The following AXL variants were observed in gnomAD, a reference collection of about 807,000 sequenced individuals.
The protein encoded by AXL is AXL receptor tyrosine kinase, also known as tyrosine-protein kinase receptor UFO.
A neutral mutation model predicts 104.5 loss-of-function variants in AXL; 52 were observed. The ratio of observed to expected loss-of-function variants is 0.50; its 90% confidence interval spans 0.40 to 0.63. The LOEUF is 0.63. Ranked by LOEUF, AXL falls within the 20% of genes least tolerant of loss-of-function variation. The probability of loss-of-function intolerance (pLI) is 0.00; values close to 1 mark genes in which losing one functional copy is unlikely to be tolerated. For synonymous variants in AXL, 455 were observed against 473.7 expected (o/e 0.96, Z 0.51); for missense variants, 1,024 against 1,188.5 (o/e 0.86, Z 2.04).
At position 41,221,966 on chromosome 19, in the gene AXL, C is replaced by G; in HGVS notation, c.496C>G (p.Pro166Ala). The change falls in exon 4 of 20, where the codon CCA becomes GCA. Residue 166 changes from proline (P) to alanine (A), a missense_variant. Pro to Ala is a conservative substitution (Grantham distance 27). Transcript: ENST00000301178. The stretch of plus-strand genomic sequence containing the variant: ...CCTGAGCTGCCAAGCTCAGGGACCC[C>G]CAGAGCCCGTGGACCTACTCTGGCT... The part of the protein sequence containing the change: ...FNLSCQAQGP[P>A]EPVDLLWLQD... The G allele has an allele frequency of 1.9e-6, 3 of 1,612,572 alleles. No individual in the cohort carries two copies. The highest frequency in any genetic ancestry group is 2.5e-6 in the Non-Finnish European group (3 of 1,179,454).
Position 41,219,339 on chromosome 19 carries a change from C to A in AXL, c.-54C>A. On this transcript the variant is annotated 5_prime_UTR_variant, in exon 1 of 20. Coordinates refer to ENST00000301178, the MANE Select transcript of AXL (RefSeq NM_021913.5). Reference sequence around the variant, plus strand: ...GGGGGAGGGCCGGGGACAGCCCGGCCCTGCCCCCTCCCCCGCTGGGAGCCC... The same window carrying A: ...GGGGGAGGGCCGGGGACAGCCCGGCACTGCCCCCTCCCCCGCTGGGAGCCC... 2 of 1,526,824 alleles carry A rather than the reference C, an allele frequency of 1.3e-6. No individual in the cohort carries two copies. Among genetic ancestry groups the A allele is most frequent in the Non-Finnish European group, 1.8e-6 (2 of 1,127,812 alleles). The allele number at this position is 1,526,824 out of a possible 1,614,324, so 94.6% of individuals were successfully genotyped here. A position where few individuals can be genotyped will look rare whatever the true frequency, so the allele number is the denominator to read the frequency against.
chr19:41,246,832 ACTG>A (rs1220491756), intron 12 of AXL, among the ~76,000 whole-genome samples: 2 of 151,986 alleles, frequency 1.3e-5, no homozygotes, highest in African/African-American at 2.4e-5. Flanking sequence ...TGGGTGAACC[ACTG>A]TGAACCACTG....
chr19:41,243,784 C>A, intron 12 of AXL, 77 bp downstream of exon 12: 2 of 1,286,202 alleles, frequency 1.6e-6, no homozygotes, highest in Non-Finnish European at 2.3e-6. Context: ...GGCTTCTGTA[C>A]ATGTGTGAGC....
chr19:41,222,359 T>C (rs1163818769), intron 4 of AXL, among the ~76,000 whole-genome samples: 1 of 152,202 alleles, frequency 6.6e-6, no homozygotes, highest in Non-Finnish European at 1.5e-5. Context: ...CCGGCCTCTC[T>C]CTGAATAGAA....
chr19:41,261,434 A>G lies in AXL; in HGVS notation c.*1530A>G, dbSNP rs2034541260. The G allele has an allele frequency of 6.6e-6, 1 of 152,476 alleles. No homozygotes were observed. The highest frequency in any genetic ancestry group is 2.4e-5 in the African/African-American group (1 of 41,448). The allele number at this position is 152,476 out of a possible 1,614,324, so 9.4% of individuals were successfully genotyped here. On this transcript the variant is annotated 3_prime_UTR_variant, in exon 20 of 20. Coordinates refer to ENST00000301178, the MANE Select transcript of AXL (RefSeq NM_021913.5). ...TAGTTCTAGGCACTGTAGTTCTAAGACTCAAATGTTCTAAGTTTCTAAGAT... is the reference window on the plus strand; with the variant it reads ...TAGTTCTAGGCACTGTAGTTCTAAGGCTCAAATGTTCTAAGTTTCTAAGAT...
intron 17 of AXL, 144 bp downstream of exon 17, chr19:41,253,852 GT>G (rs1261063424): frequency 1.5e-6 from 1 of 663,122 alleles, no homozygotes; most frequent in East Asian, 2.7e-5. Context: ...CAGTAAGGGG[GT>G]CTGGGAAGGC....
chr19:41,223,663 TG>T (rs2033831041), intron 4 of AXL, among the ~76,000 whole-genome samples: 1 of 152,030 alleles, frequency 6.6e-6, no homozygotes, highest in African/African-American at 2.4e-5. Flanking sequence ...GACCCTGAGT[TG>T]CAAGGAAGAC....
At chr19:41,253,921 G>A (rs1386539960) in intron 17 of AXL, among the ~76,000 whole-genome samples, 2 of 152,018 alleles carry the variant, frequency 1.3e-5, no homozygotes, top group Non-Finnish European at 2.9e-5. Context: ...GATGCGGAGA[G>A]GGAAGAGACC....
At chr19:41,254,602 A>G (rs1225466056) in intron 17 of AXL, among the ~76,000 whole-genome samples, 1 of 151,920 alleles carries the variant, frequency 6.6e-6, no homozygotes, top group Admixed American at 6.6e-5. Context: ...TAGAAGGTGG[A>G]GGGAATGGAA....
intron 4 of AXL, among the ~76,000 whole-genome samples, chr19:41,224,392 A>T (rs2033843542): frequency 6.6e-6 from 1 of 151,836 alleles, no homozygotes; most frequent in Non-Finnish European, 1.5e-5. Context: ...TTTTTTTTCA[A>T]GATAAGCTCC....
Position 41,260,914 on chromosome 19 carries a change from C to T in AXL, c.*1010C>T, listed in dbSNP as rs2034530747. On this transcript the variant is annotated 3_prime_UTR_variant, in exon 20 of 20. Coordinates refer to ENST00000301178, the MANE Select transcript of AXL (RefSeq NM_021913.5). ...GGCTGTAAGGCTCTAGATCATAAGG[C>T]TTCAAAATGTTATCTTCTCAAGTTC... 6.6e-6 allele frequency: 1 copy of T among 152,082 alleles called. No homozygotes were observed. The allele number at this position is 152,082 out of a possible 1,614,324, so 9.4% of individuals were successfully genotyped here. A position where few individuals can be genotyped will look rare whatever the true frequency, so the allele number is the denominator to read the frequency against.
At chr19:41,249,381 T>C (rs1303686761) in intron 14 of AXL, among the ~76,000 whole-genome samples, 1 of 152,004 alleles carries the variant, frequency 6.6e-6, no homozygotes, top group Non-Finnish European at 1.5e-5. Flanking sequence ...CTTGAGTCTG[T>C]GCGGCAGAGG....
rs565759778 is a variant in AXL, at chr19:41,260,167, T to C, written c.*263T>C. ...CTCCCAGGTGTTAACATTCCAAGACTCTAGAGTCCAAGGTTTAAAGAGTCT... is the reference window on the plus strand; with the variant it reads ...CTCCCAGGTGTTAACATTCCAAGACCCTAGAGTCCAAGGTTTAAAGAGTCT... On this transcript the variant is annotated 3_prime_UTR_variant, in exon 20 of 20. Transcript: ENST00000301178. 246 of 439,626 alleles carry C rather than the reference T, an allele frequency of 5.6e-4. No individual in the cohort carries two copies. The highest frequency in any genetic ancestry group is 4.5e-3 in the African/African-American group (224 of 50,100). The allele number at this position is 439,626 out of a possible 1,614,324, so 27.2% of individuals were successfully genotyped here. A position where few individuals can be genotyped will look rare whatever the true frequency, so the allele number is the denominator to read the frequency against.
intron 8 of AXL, 106 bp downstream of exon 8, chr19:41,238,715 T>C (rs990792030): frequency 7.0e-6 from 10 of 1,425,010 alleles, no homozygotes; most frequent in Middle Eastern, 1.9e-4. Context: ...ACACAATTGC[T>C]CTATGCCTAG....
At chr19:41,220,992 C>T (rs899155324) in intron 2 of AXL, 134 bp downstream of exon 2, 2 of 1,230,444 alleles carry the variant, frequency 1.6e-6, no homozygotes, top group African/African-American at 1.5e-5. Flanking sequence ...CTCTAGGTTT[C>T]GTTTTCCTCT....
intron 4 of AXL, chr19:41,226,764 G>A (rs1199227543): frequency 5.1e-6 from 5 of 985,690 alleles, no homozygotes; most frequent in African/African-American, 1.7e-5. Context: ...AAGCACACGC[G>A]TAAACAACAC....
rs869213717 is a variant in AXL, at chr19:41,260,298, CTTTTTTTTTTTTTTTT to C, written c.*410_*425del. On this transcript the variant is annotated 3_prime_UTR_variant, in exon 20 of 20. Transcript: ENST00000301178. ...TAAAGTGCTAAGGTTCTAAGGCCTA[CTTTTTTTTTTTTTTTT>C]TTTTTTTTTTTTTTTGCGATAGAGT... 1.9e-4 allele frequency: 9 copies of C among 48,624 alleles called. No individual in the cohort carries two copies. Among genetic ancestry groups the C allele is most frequent in the Middle Eastern group, 0.019 (1 of 54 alleles). 3.0% of individuals were successfully genotyped at this position (48,624 alleles called of 1,614,324 possible). A position where few individuals can be genotyped will look rare whatever the true frequency, so the allele number is the denominator to read the frequency against.
rs750430981 is a variant in AXL, at chr19:41,252,484, G to T, written c.1804+41G>T. On this transcript the variant is annotated intron_variant, in intron 15 of 19. Coordinates refer to ENST00000301178, the MANE Select transcript of AXL (RefSeq NM_021913.5). ...ATTCAAGGGGTCTACAAGCCCCATG[G>T]GGGCCATAGCAGAGGGAAGAGCCCT... 13 of 1,597,652 alleles carry T rather than the reference G, an allele frequency of 8.1e-6. No individual in the cohort carries two copies. In the East Asian group the frequency reaches 2.9e-4, roughly 36 times the overall value.
chr19:41,256,364 G>C, intron 17 of AXL, 88 bp from the exon 18 acceptor site: 2 of 1,470,898 alleles, frequency 1.4e-6, no homozygotes, highest in Non-Finnish European at 9.4e-7. Flanking sequence ...GTGAGGGGAG[G>C]AGGTGCAGAT....
Sources: allele counts gnomAD v4.1 joint callset (sites outside exome capture counted in the v4.1 genomes callset), GRCh38; gene constraint gnomAD v4.1.1; transcripts MANE v1.5; gene names NCBI Gene and HGNC (gene_info 2026-07-23, HGNC 2026-07-21).